The following GPHN variants were observed in gnomAD, a reference collection of about 807,000 sequenced individuals.
GPHN encodes gephyrin.
In GPHN, 17 loss-of-function variants were observed where a neutral mutation model predicts 95.5. That is an observed-to-expected ratio of 0.18 (90% CI 0.12 to 0.27). The LOEUF is 0.27. Ranked by LOEUF, GPHN falls within the 10% of genes least tolerant of loss-of-function variation. GPHN has a pLI of 1.00. For missense variants in GPHN, 660 were observed against 978.1 expected, an observed-to-expected ratio of 0.67 and a Z score of 4.34; for synonymous variants, 320 against 322.5, an observed-to-expected ratio of 0.99 and a Z score of 0.08.
chr14:67,062,720 T>C (rs1001278958), intron 11 of GPHN, among the ~76,000 whole-genome samples: 3 of 152,244 alleles, frequency 2.0e-5, no homozygotes, highest in Admixed American at 2.0e-4. Flanking sequence ...TGTCTTCTTT[T>C]GAGAAGTGTC....
the GPHN span, among the ~76,000 whole-genome samples, chr14:67,416,946 A>G: frequency 1.3e-5 from 2 of 152,262 alleles, no homozygotes; most frequent in Admixed American, 1.3e-4. Context: ...AGCCTCTGCC[A>G]CAAGTGACTT....
intron 9 of GPHN, among the ~76,000 whole-genome samples, chr14:66,995,105 C>G (rs2071697149): frequency 6.6e-6 from 1 of 152,124 alleles, no homozygotes; most frequent in Non-Finnish European, 1.5e-5. Flanking sequence ...TTGATACTTC[C>G]TGCAGTATTT....
chr14:67,663,505 C>T, the GPHN span, among the ~76,000 whole-genome samples: 1 of 151,900 alleles, frequency 6.6e-6, no homozygotes, highest in Admixed American at 6.6e-5. Flanking sequence ...AACCCCATCT[C>T]TACTAAAAAA....
intron 9 of GPHN, among the ~76,000 whole-genome samples, chr14:66,974,677 T>C (rs941310395): frequency 1.3e-5 from 2 of 152,160 alleles, no homozygotes; most frequent in African/African-American, 4.8e-5. Flanking sequence ...GAAAAAATTT[T>C]TAAAATTCAC....
chr14:67,658,030 T>A, the GPHN span, among the ~76,000 whole-genome samples: 2 of 152,150 alleles, frequency 1.3e-5, no homozygotes, highest in African/African-American at 2.4e-5. Context: ...ATTACAGGCG[T>A]AAGCCACTGT....
chr14:67,017,692 CT>C (rs542595963), intron 9 of GPHN, among the ~76,000 whole-genome samples: 43 of 152,052 alleles, frequency 2.8e-4, no homozygotes, highest in African/African-American at 9.4e-4. Context: ...GTATAGAAAA[CT>C]TTTATTGGAC....
intron 2 of GPHN, among the ~76,000 whole-genome samples, chr14:66,771,552 G>A (rs1317316719): frequency 1.3e-5 from 2 of 152,040 alleles, no homozygotes; most frequent in African/African-American, 2.4e-5. Flanking sequence ...CTGGACTTAC[G>A]GCCAAGGTGG....
chr14:67,274,730 G>T, the GPHN span, among the ~76,000 whole-genome samples: 1 of 151,794 alleles, frequency 6.6e-6, no homozygotes, highest in African/African-American at 2.4e-5. Context: ...CCATTTTCAC[G>T]ATATTGATTC....
the GPHN span, among the ~76,000 whole-genome samples, chr14:67,694,431 AATAT>A: frequency 6.4e-5 from 9 of 140,022 alleles, no homozygotes; most frequent in Admixed American, 7.4e-5. Context: ...CAGCTCCTGG[AATAT>A]ATATATATAT....
At chr14:67,629,646 G>A in the GPHN span, among the ~76,000 whole-genome samples, 3 of 152,006 alleles carry the variant, frequency 2.0e-5, no homozygotes, top group African/African-American at 2.4e-5. Flanking sequence ...CAGTCTTCTC[G>A]GCTCTTACTA....
intron 4 of GPHN, among the ~76,000 whole-genome samples, chr14:66,877,056 C>A (rs955306934): frequency 1.3e-5 from 2 of 152,274 alleles, no homozygotes; most frequent in Middle Eastern, 3.4e-3. Context: ...AAGTCAGCTT[C>A]ATCCCTGGGA....
At chr14:67,340,382 T>C in the GPHN span, 1 of 1,445,704 alleles carries the variant, frequency 6.9e-7, no homozygotes, top group Non-Finnish European at 9.7e-7. Context: ...ATTCAGCAAA[T>C]ACAGCCTTTG....
At chr14:67,310,802 C>G in the GPHN span, among the ~76,000 whole-genome samples, 1 of 151,992 alleles carries the variant, frequency 6.6e-6, no homozygotes. Context: ...TAATGACAAG[C>G]CAAAAATTTT....
At chr14:67,363,442 A>G in the GPHN span, among the ~76,000 whole-genome samples, 16 of 152,156 alleles carry the variant, frequency 1.1e-4, no homozygotes, top group Non-Finnish European at 2.1e-4. Context: ...CTGGCACTGA[A>G]TATATATTAA....
chr14:67,382,979 G>C, the GPHN span, among the ~76,000 whole-genome samples: 2 of 152,066 alleles, frequency 1.3e-5, no homozygotes, highest in African/African-American at 4.8e-5. Flanking sequence ...AGTAGTTTGA[G>C]CCTGGAAGAC....
At chr14:67,698,362 A>G in the GPHN span, among the ~76,000 whole-genome samples, 1 of 152,194 alleles carries the variant, frequency 6.6e-6, no homozygotes, top group Non-Finnish European at 1.5e-5. Flanking sequence ...GCTCTTTGGG[A>G]GGCTGAGGTG....
chr14:66,784,285 A>G (rs993496961), intron 3 of GPHN, among the ~76,000 whole-genome samples: 1 of 152,204 alleles, frequency 6.6e-6, no homozygotes, highest in African/African-American at 2.4e-5. Flanking sequence ...AGTGCTGGAA[A>G]AAAGAACTGT....
At chr14:67,426,640 A>T in the GPHN span, among the ~76,000 whole-genome samples, 8 of 152,172 alleles carry the variant, frequency 5.3e-5, no homozygotes, top group Middle Eastern at 3.4e-3. Flanking sequence ...TAATGGCGTG[A>T]TCTTGGCTCA....
intron 1 of GPHN, among the ~76,000 whole-genome samples, chr14:66,680,694 G>C (rs144560221): frequency 6.6e-6 from 1 of 152,150 alleles, no homozygotes; most frequent in African/African-American, 2.4e-5. Flanking sequence ...TGCAAATTTA[G>C]TTTCTCCTTT....
Sources: gnomAD v4.1 joint callset for allele counts (sites outside exome capture counted in the v4.1 genomes callset) on GRCh38, gnomAD v4.1.1 for gene constraint, MANE v1.5 for transcripts, NCBI Gene and HGNC (gene_info 2026-07-23, HGNC 2026-07-21) for gene names.